Variants in SEMA3D observed in about 807,000 individuals in gnomAD.
SEMA3D encodes semaphorin-3D.
Under a neutral mutation model 100.1 loss-of-function variants are expected in SEMA3D, and 84 were observed. The observed-to-expected ratio is 0.84, with a 90% CI of 0.70 to 1.01. SEMA3D has a LOEUF of 1.01. Among genes scored for constraint, SEMA3D ranks in the 50% least tolerant of loss-of-function variants. The pLI, the probability that SEMA3D is intolerant of heterozygous loss-of-function variation, is 0.00. For synonymous variants in SEMA3D, 312 were observed against 320.7 expected (o/e 0.97, Z 0.29); for missense variants, 875 against 934.1 (o/e 0.94, Z 0.82).
chr7:85,100,386 C>T (rs1357169879), intron 3 of SEMA3D, among the ~76,000 whole-genome samples: 1 of 150,966 alleles, frequency 6.6e-6, no homozygotes, highest in African/African-American at 2.4e-5. Context: ...GCACAGACTC[C>T]TATAAGTTAT....
intron 8 of SEMA3D, among the ~76,000 whole-genome samples, chr7:85,061,790 T>C (rs1294569725): frequency 6.6e-6 from 1 of 152,186 alleles, no homozygotes; most frequent in Non-Finnish European, 1.5e-5. Context: ...AATGACTGAA[T>C]CTCCTGAAGC....
In SEMA3D at chr7:84,999,254, G is replaced by C; in HGVS notation, c.*186C>G. 1 of 570,040 alleles carries C rather than the reference G, an allele frequency of 1.8e-6. No individual in the cohort carries two copies. The highest frequency in any genetic ancestry group is 2.5e-5 in the South Asian group (1 of 39,244). The allele number at this position is 570,040 out of a possible 1,614,324, so 35.3% of individuals were successfully genotyped here. On this transcript the variant is annotated 3_prime_UTR_variant, in exon 19 of 19. Transcript: ENST00000284136. Reference sequence around the variant, plus strand: ...TTTGCTTGTGCAAGATTTGTTCTTGGAAAACTGGTTCAAATGAATTTTTTG... The same window carrying C: ...TTTGCTTGTGCAAGATTTGTTCTTGCAAAACTGGTTCAAATGAATTTTTTG...
chr7:85,007,735 A>T (rs1789839510), intron 17 of SEMA3D, among the ~76,000 whole-genome samples: 1 of 151,764 alleles, frequency 6.6e-6, no homozygotes, highest in African/African-American at 2.4e-5. Context: ...ACAGCTGCTC[A>T]GCTTGGCCCA....
intron 9 of SEMA3D, among the ~76,000 whole-genome samples, chr7:85,052,229 T>C (rs937792315): frequency 6.6e-6 from 1 of 151,984 alleles, no homozygotes; most frequent in Admixed American, 6.6e-5. Flanking sequence ...TCGATCCAGA[T>C]ACATTCTTCA....
intron 3 of SEMA3D, among the ~76,000 whole-genome samples, chr7:85,110,681 G>C (rs1789069740): frequency 6.6e-6 from 1 of 151,886 alleles, no homozygotes; most frequent in South Asian, 2.1e-4. Context: ...ATAAGGTGTA[G>C]ATTATCCGGC....
At chr7:85,084,001 G>C (rs1409217171) in intron 4 of SEMA3D, among the ~76,000 whole-genome samples, 1 of 150,996 alleles carries the variant, frequency 6.6e-6, no homozygotes, top group Non-Finnish European at 1.5e-5. Context: ...CAAAAAATTA[G>C]CCTGGCGTGG....
chr7:85,231,359 T>A, the SEMA3D span, among the ~76,000 whole-genome samples: 2 of 152,174 alleles, frequency 1.3e-5, no homozygotes, highest in African/African-American at 4.8e-5. Flanking sequence ...TGTATGTTTT[T>A]TAGAAAGCAT....
At position 85,126,414 on chromosome 7, in the gene SEMA3D, T is replaced by TC. The variant is rs879271670; in HGVS notation, c.-40-4484_-40-4483insG. Reference sequence around the variant, plus strand: ...TGTGTGTGTGTGTGTCGTGTGTGTGTGTGTGTGTGTGTGTGTGTGTGTGTA... The same window carrying TC: ...TGTGTGTGTGTGTGTCGTGTGTGTGTCGTGTGTGTGTGTGTGTGTGTGTGTA... On this transcript the variant is annotated intron_variant, in intron 2 of 18. Coordinates refer to ENST00000284136, the MANE Select transcript of SEMA3D (RefSeq NM_001384900.1). Among the ~76,000 whole-genome samples the TC allele has an allele frequency of 8.2e-3, 1,212 of 147,066 alleles. 8 individuals are homozygous for TC. Among genetic ancestry groups the TC allele is most frequent in the Non-Finnish European group, 0.011 (705 of 66,436 alleles).
chr7:85,110,091 C>T (rs991569117), intron 3 of SEMA3D, among the ~76,000 whole-genome samples: 1 of 151,942 alleles, frequency 6.6e-6, no homozygotes, highest in Non-Finnish European at 1.5e-5. Flanking sequence ...CATAGATGAT[C>T]ACTGTAGCCC....
intron 1 of SEMA3D, among the ~76,000 whole-genome samples, chr7:85,179,992 A>T (rs1379224825): frequency 6.6e-6 from 1 of 152,180 alleles, no homozygotes; most frequent in Non-Finnish European, 1.5e-5. Context: ...TGCTGAAATG[A>T]GTTAAGACTT....
chr7:85,198,131 T>C, the SEMA3D span, among the ~76,000 whole-genome samples: 1 of 152,174 alleles, frequency 6.6e-6, no homozygotes, highest in African/African-American at 2.4e-5. Context: ...CTCTTTTTGA[T>C]ATGACTCTTC....
chr7:85,219,777 A>G, the SEMA3D span, among the ~76,000 whole-genome samples: 1 of 152,066 alleles, frequency 6.6e-6, no homozygotes, highest in South Asian at 2.1e-4. Context: ...ATACACGCAA[A>G]GTATGTTATT....
chr7:85,058,612 G>T (rs1005273727), intron 8 of SEMA3D, among the ~76,000 whole-genome samples: 1 of 151,552 alleles, frequency 6.6e-6, no homozygotes, highest in Non-Finnish European at 1.5e-5. Context: ...GCTGGGCGTG[G>T]TGGCGGGCGC....
intron 12 of SEMA3D, chr7:85,028,567 A>G: frequency 3.4e-6 from 1 of 294,790 alleles, no homozygotes; most frequent in Non-Finnish European, 6.5e-6. Context: ...CTGGTGAGTT[A>G]TAGTGCACAC....
intron 1 of SEMA3D, chr7:85,159,757 G>T: frequency 1.3e-6 from 1 of 761,866 alleles, no homozygotes; most frequent in Non-Finnish European, 1.6e-6. Context: ...GAATGTAAAT[G>T]ATTTGATGTA....
At chr7:85,029,358 C>G (rs1790480756) in intron 12 of SEMA3D, 5 of 1,338,620 alleles carry the variant, frequency 3.7e-6, no homozygotes, top group African/African-American at 1.4e-5. Context: ...AGCAGAGGGA[C>G]AAGGTGTCAT....
chr7:85,069,925 T>C (rs1583892198), intron 6 of SEMA3D, among the ~76,000 whole-genome samples: 1 of 152,318 alleles, frequency 6.6e-6, no homozygotes, highest in East Asian at 1.9e-4. Context: ...CATGCCTCTT[T>C]ACCTTTCTGT....
chr7:85,227,440 G>GCAA, the SEMA3D span, among the ~76,000 whole-genome samples: 2 of 152,022 alleles, frequency 1.3e-5, no homozygotes, highest in Non-Finnish European at 2.9e-5. Context: ...TAACATGTGA[G>GCAA]GGCACAGACA....
At chr7:85,248,273 G>A in the SEMA3D span, among the ~76,000 whole-genome samples, 1 of 152,092 alleles carries the variant, frequency 6.6e-6, no homozygotes, top group Non-Finnish European at 1.5e-5. Context: ...ACAACAATGA[G>A]ATACTACTAC....
Sources: allele counts gnomAD v4.1 joint callset (sites outside exome capture counted in the v4.1 genomes callset), GRCh38; gene constraint gnomAD v4.1.1; transcripts MANE v1.5; gene names NCBI Gene and HGNC (gene_info 2026-07-23, HGNC 2026-07-21).